ATP11A: variants seen among roughly 807,000 people sequenced by gnomAD.
The protein encoded by ATP11A is ATPase phospholipid transporting 11A, also known as phospholipid-transporting ATPase IH.
A neutral mutation model predicts 154.4 loss-of-function variants in ATP11A; 81 were observed. The observed-to-expected ratio is 0.52, with a 90% CI of 0.44 to 0.63. The LOEUF is 0.63. Among genes scored for constraint, ATP11A ranks in the 30% least tolerant of loss-of-function variants. The pLI is 0.00. For missense variants in ATP11A, 1,316 were observed against 1,474.3 expected (o/e 0.89, Z 1.76); for synonymous variants, 623 against 585.9 (o/e 1.06, Z -0.91).
At chr13:112,744,678 G>GA (rs1423647179) in intron 1 of ATP11A, among the ~76,000 whole-genome samples, 2 of 152,208 alleles carry the variant, frequency 1.3e-5, no homozygotes, top group African/African-American at 4.8e-5. Flanking sequence ...CTTTTGCCAG[G>GA]AAAGTGCATC....
chr13:112,731,508 G>A (rs577987380), intron 1 of ATP11A, among the ~76,000 whole-genome samples: 79 of 152,206 alleles, frequency 5.2e-4, no homozygotes, highest in African/African-American at 1.4e-3. Context: ...CAATTGCACG[G>A]CACTCACTAG....
At chr13:112,795,142 G>A (rs1479728380) in intron 2 of ATP11A, among the ~76,000 whole-genome samples, 4 of 151,992 alleles carry the variant, frequency 2.6e-5, no homozygotes, top group Non-Finnish European at 5.9e-5. Flanking sequence ...CTACTCGGGA[G>A]GCTGAGGCAC....
In ATP11A at chr13:112,882,076, A is replaced by G; in HGVS notation, c.*210A>G. ...GAATGCTCGTGTGATGGATGGTCCT[A>G]AGCCTGTGGAGACTGTGCACGTGCC... On this transcript the variant is annotated 3_prime_UTR_variant, in exon 30 of 30. Transcript: ENST00000375645. This position sits in a 1 kb window ranked among gnomAD's most constrained non-coding sequence, Gnocchi z 5.1. 2 of 1,366,520 alleles carry G rather than the reference A, an allele frequency of 1.5e-6. No individual in the cohort carries two copies. Among genetic ancestry groups the G allele is most frequent in the Non-Finnish European group, 9.8e-7 (1 of 1,021,500 alleles). 84.6% of individuals were successfully genotyped at this position (1,366,520 alleles called of 1,614,324 possible).
chr13:112,818,520 T>C (rs1248230752), intron 6 of ATP11A, among the ~76,000 whole-genome samples: 1 of 152,236 alleles, frequency 6.6e-6, no homozygotes. Context: ...AGAGATGCTG[T>C]TGCCTCTTCG....
chr13:112,734,556 T>A (rs1404391046), intron 1 of ATP11A, among the ~76,000 whole-genome samples: 2 of 151,716 alleles, frequency 1.3e-5, no homozygotes, highest in Non-Finnish European at 2.9e-5. Flanking sequence ...GCCCGGAGAG[T>A]CAAACCCTGA....
intron 1 of ATP11A, among the ~76,000 whole-genome samples, chr13:112,764,346 G>A (rs1159226618): frequency 6.6e-6 from 1 of 152,230 alleles, no homozygotes; most frequent in Admixed American, 6.5e-5. Context: ...ACAGTGCACT[G>A]TAGTGGTTTG....
intron 29 of ATP11A, chr13:112,881,391 C>T (rs1346766637): frequency 1.9e-6 from 2 of 1,040,918 alleles, no homozygotes; most frequent in Non-Finnish European, 2.3e-6. Flanking sequence ...TGGGGTGGGG[C>T]CTGCCTTCCC....
At chr13:112,842,187 T>C in intron 16 of ATP11A, 89 bp from the exon 17 acceptor site, 1 of 1,070,326 alleles carries the variant, frequency 9.3e-7, no homozygotes, top group Admixed American at 2.1e-5. Flanking sequence ...CTATCCCTGT[T>C]TTTTGTTTTT....
In ATP11A at chr13:112,876,659, T is replaced by C. The variant is rs549102410; in HGVS notation, c.3327+718T>C. Reference sequence around the variant, plus strand: ...ATCCCCGAAATTTCCAATCACTCCTTGAGGTGGAGCCCTGGACTGGGCAGT... The same window carrying C: ...ATCCCCGAAATTTCCAATCACTCCTCGAGGTGGAGCCCTGGACTGGGCAGT... On this transcript the variant is annotated intron_variant, in intron 28 of 29. Transcript: ENST00000375645. Among the ~76,000 whole-genome samples the C allele has an allele frequency of 2.3e-3, 352 of 152,288 alleles. 2 individuals carry two copies. The highest frequency in any genetic ancestry group is 8.0e-3 in the African/African-American group (333 of 41,566).
At chr13:112,701,051 C>A (rs1339201227) in intron 1 of ATP11A, among the ~76,000 whole-genome samples, 1 of 152,232 alleles carries the variant, frequency 6.6e-6, no homozygotes, top group African/African-American at 2.4e-5. Context: ...GCGGCCCTTT[C>A]AGGAGGACGT....
At position 112,842,267 on chromosome 13, in the gene ATP11A, A is replaced by G; in HGVS notation, c.1706-9A>G. Reference sequence around the variant, plus strand: ...TGTGATTAAACTCCTCATTTTTCTCATTTTGTAGGAGAAATTTATCTGTTT... The same window carrying G: ...TGTGATTAAACTCCTCATTTTTCTCGTTTTGTAGGAGAAATTTATCTGTTT... On this transcript the variant is annotated splice_polypyrimidine_tract_variant and intron_variant, in intron 16 of 29. Coordinates refer to ENST00000375645, the MANE Select transcript of ATP11A (RefSeq NM_015205.3). 1.3e-6 allele frequency: 2 copies of G among 1,595,440 alleles called. No individual in the cohort carries two copies. Among genetic ancestry groups the G allele is most frequent in the Non-Finnish European group, 1.7e-6 (2 of 1,167,638 alleles).
Position 112,696,494 on chromosome 13 carries a change from G to T in ATP11A, c.39+6039G>T, listed in dbSNP as rs996880838. ...CCAGTCCCGTGTGTGCTGCGGCCCC[G>T]TCTCTCTCCCTCTCTGAGTGACACT... is the stretch of plus-strand genomic sequence containing the variant. On this transcript the variant is annotated intron_variant, in intron 1 of 29. Coordinates refer to ENST00000375645, the MANE Select transcript of ATP11A (RefSeq NM_015205.3). The surrounding 1 kb of genome is among the most constrained non-coding windows in gnomAD (Gnocchi z 6.2). 6.6e-6 allele frequency among the ~76,000 whole-genome samples: 1 copy of T among 152,072 alleles called. No individual in the cohort carries two copies. Among genetic ancestry groups the T allele is most frequent in the Non-Finnish European group, 1.5e-5 (1 of 68,014 alleles).
At chr13:112,863,037 GTT>G (rs2080168515) in intron 25 of ATP11A, among the ~76,000 whole-genome samples, 3 of 75,686 alleles carry the variant, frequency 4.0e-5, no homozygotes, top group Non-Finnish European at 8.5e-5. Flanking sequence ...CTGTGCAGTA[GTT>G]CAGTGCGGCC....
intron 16 of ATP11A, among the ~76,000 whole-genome samples, chr13:112,837,772 T>C (rs1420722373): frequency 6.6e-6 from 1 of 152,092 alleles, no homozygotes; most frequent in African/African-American, 2.4e-5. Flanking sequence ...CCATCATCAG[T>C]GCCGTCGGGC....
chr13:112,790,998 T>G (rs2077837635), intron 2 of ATP11A, among the ~76,000 whole-genome samples: 1 of 152,162 alleles, frequency 6.6e-6, no homozygotes, highest in Non-Finnish European at 1.5e-5. Flanking sequence ...GAAGGAGAAA[T>G]GTACTGATGA....
rs560872239 is a variant in ATP11A at position 112,754,042 on chromosome 13, C to T, written c.40-31093C>T. Among the ~76,000 whole-genome samples the T allele has an allele frequency of 3.9e-5, 6 of 152,318 alleles. No individual in the cohort carries two copies. In the East Asian group the frequency reaches 1.2e-3, roughly 29 times the overall value. ...CTTGACCAGGCAGCATCCAGGGCGTCGCTGTCTCACCGTGGTCCCCAGTGT... is the reference window on the plus strand; with the variant it reads ...CTTGACCAGGCAGCATCCAGGGCGTTGCTGTCTCACCGTGGTCCCCAGTGT... On this transcript the variant is annotated intron_variant, in intron 1 of 29. Coordinates refer to ENST00000375645, the MANE Select transcript of ATP11A (RefSeq NM_015205.3). The surrounding 1 kb of genome is among the most constrained non-coding windows in gnomAD (Gnocchi z 5.3).
At position 112,831,382 on chromosome 13, in the gene ATP11A, A is replaced by G; in HGVS notation, c.1229A>G (p.Tyr410Cys). ...DLNEELGQVE[Y>C]IFTDKTGTLT... is the part of the protein sequence containing the mutation. ...GCTGTGCCCTGCCCGCAGGTGGAGT[A>G]CATCTTCACAGACAAGACCGGCACC... The change falls in exon 13 of 30, where the codon TAC (tyrosine) becomes TGC (cysteine). Residue 410 changes from tyrosine (Y) to cysteine (C), a missense_variant. Tyr to Cys is a radical substitution (Grantham distance 194). This residue lies in a region of ATP11A where 876 missense variants were observed against 1,006.8 expected (regional missense o/e 0.87). Coordinates refer to ENST00000375645, the MANE Select transcript of ATP11A (RefSeq NM_015205.3). 1 of 1,614,076 alleles carries G rather than the reference A, an allele frequency of 6.2e-7. No individual in the cohort carries two copies. The highest frequency in any genetic ancestry group is 8.5e-7 in the Non-Finnish European group (1 of 1,179,908).
intron 20 of ATP11A, 63 bp from the exon 21 acceptor site, chr13:112,857,755 G>T: frequency 7.5e-7 from 1 of 1,337,190 alleles, no homozygotes; most frequent in South Asian, 1.2e-5. Context: ...TCTGCCTAGT[G>T]AATGAATAAC....
chr13:112,763,862 A>G (rs981437207), intron 1 of ATP11A, among the ~76,000 whole-genome samples: 15 of 152,066 alleles, frequency 9.9e-5, no homozygotes, highest in African/African-American at 3.4e-4. Flanking sequence ...GTGTTGGTTT[A>G]TGTCTTTGCC....
Sources: gnomAD v4.1 joint callset for allele counts (sites outside exome capture counted in the v4.1 genomes callset) on GRCh38, gnomAD v4.1.1 for gene constraint, gnomAD v4.1.1 regional missense constraint, Gnocchi (gnomAD v3.1) non-coding constraint, MANE v1.5 for transcripts, NCBI Gene and HGNC (gene_info 2026-07-23, HGNC 2026-07-21) for gene names.